VPS35L: variants seen among roughly 807,000 people sequenced by gnomAD.
The protein encoded by VPS35L is VPS35 endosomal protein-sorting factor-like.
In VPS35L, 83 loss-of-function variants were observed where a neutral mutation model predicts 133.0. That is an observed-to-expected ratio of 0.62 (90% CI 0.52 to 0.75). The LOEUF is 0.75. VPS35L is among the 30% of genes least tolerant of loss of function. The probability of loss-of-function intolerance (pLI) is 0.00; values close to 1 mark genes in which losing one functional copy is unlikely to be tolerated. For synonymous variants in VPS35L, 423 were observed against 449.9 expected, an observed-to-expected ratio of 0.94 and a Z score of 0.76; for missense variants, 1,083 against 1,206.8, an observed-to-expected ratio of 0.90 and a Z score of 1.52.
In VPS35L at chr16:19,640,226, T is replaced by TG. The variant is rs1973746736; in HGVS notation, c.1784+128dup. ...ACGTATTTCATACAGAAAACCACAC[T>TG]GGAAGGAAAGCCACATTAAAAGCAG... On this transcript the variant is annotated intron_variant, in intron 21 of 30. Transcript: ENST00000417362. 2.0e-5 allele frequency: 16 copies of TG among 789,900 alleles called. 1 individual carries two copies. In the South Asian group the frequency reaches 3.1e-4, roughly 16 times the overall value. 48.9% of individuals were successfully genotyped at this position (789,900 alleles called of 1,614,324 possible).
Position 19,558,878 on chromosome 16 carries a change from G to A in VPS35L, c.17+3132G>A, listed in dbSNP as rs532557222. 8.0e-5 allele frequency among the ~76,000 whole-genome samples: 12 copies of A among 150,184 alleles called. No homozygotes were observed. In the South Asian group the frequency reaches 1.5e-3, roughly 18 times the overall value. On this transcript the variant is annotated intron_variant, in intron 1 of 30. Coordinates refer to ENST00000417362, the MANE Select transcript of VPS35L (RefSeq NM_020314.7). ...GCAGAGGTTGCAGTGAGCTGAGATCGCGCCACTGCACTCCAGCCTGGATGA... is the reference window on the plus strand; with the variant it reads ...GCAGAGGTTGCAGTGAGCTGAGATCACGCCACTGCACTCCAGCCTGGATGA...
intron 4 of VPS35L, 155 bp downstream of exon 4, chr16:19,573,396 G>A (rs1223645800): frequency 1.6e-5 from 13 of 830,298 alleles, no homozygotes; most frequent in Non-Finnish European, 2.3e-5. Flanking sequence ...CATGTAGTAT[G>A]TCAGTGTTGT....
intron 8 of VPS35L, among the ~76,000 whole-genome samples, chr16:19,596,366 C>T (rs1305401608): frequency 6.6e-6 from 1 of 151,922 alleles, no homozygotes; most frequent in Non-Finnish European, 1.5e-5. Flanking sequence ...CCTTGATCTC[C>T]TTGACCCAAA....
At chr16:19,575,754 A>G (rs1236148987) in intron 5 of VPS35L, among the ~76,000 whole-genome samples, 1 of 150,808 alleles carries the variant, frequency 6.6e-6, no homozygotes, top group Non-Finnish European at 1.5e-5. Context: ...TCCCAGTTAC[A>G]TAGGAGGCTG....
At chr16:19,618,674 C>T (rs1972976837) in intron 14 of VPS35L, among the ~76,000 whole-genome samples, 1 of 152,096 alleles carries the variant, frequency 6.6e-6, no homozygotes, top group Admixed American at 6.5e-5. Context: ...GTAACTTGTT[C>T]CTAACCACTC....
intron 27 of VPS35L, among the ~76,000 whole-genome samples, chr16:19,671,374 C>T (rs1309600935): frequency 6.6e-6 from 1 of 150,974 alleles, no homozygotes; most frequent in East Asian, 1.9e-4. Context: ...GAGGCTGAGG[C>T]AGGAGAATCG....
At chr16:19,663,669 CTTTTTTTTTTTTTT>C (rs59826351) in intron 26 of VPS35L, among the ~76,000 whole-genome samples, 3 of 63,914 alleles carry the variant, frequency 4.7e-5, no homozygotes, top group African/African-American at 7.2e-5. Context: ...GCAGTAATTT[CTTTTTTTTTTTTTT>C]TTTTTTTTTT....
In VPS35L at chr16:19,691,498, C is replaced by T. The variant is rs543975562; in HGVS notation, c.2646+27C>T. The stretch of plus-strand genomic sequence containing the variant: ...TGGGTGCCCTCTGCTGTCCTCCACC[C>T]GCCCCTTGCTCTGAAAGCACAAGTT... On this transcript the variant is annotated intron_variant, in intron 29 of 30. Transcript: ENST00000417362. The T allele has an allele frequency of 6.3e-5, 98 of 1,556,716 alleles. 2 individuals are homozygous for T. In the South Asian group the frequency reaches 6.9e-4, roughly 11 times the overall value.
At chr16:19,575,747 C>T (rs950605283) in intron 5 of VPS35L, among the ~76,000 whole-genome samples, 1 of 151,330 alleles carries the variant, frequency 6.6e-6, no homozygotes, top group Non-Finnish European at 1.5e-5. Flanking sequence ...CCTATAATCC[C>T]AGTTACATAG....
chr16:19,668,383 T>C (rs1372157457), intron 26 of VPS35L, among the ~76,000 whole-genome samples: 1 of 152,164 alleles, frequency 6.6e-6, no homozygotes, highest in African/African-American at 2.4e-5. Context: ...CCTCTCCGTC[T>C]TCCCCTCCAC....
intron 27 of VPS35L, among the ~76,000 whole-genome samples, chr16:19,678,791 A>T (rs1469334706): frequency 6.9e-6 from 1 of 145,260 alleles, no homozygotes; most frequent in Non-Finnish European, 1.5e-5. Flanking sequence ...CAGTACAATT[A>T]AAAAAAAAAA....
Position 19,557,826 on chromosome 16 carries a change from G to A in VPS35L, c.17+2080G>A, listed in dbSNP as rs542224126. Among the ~76,000 whole-genome samples, 16 of 152,164 alleles carry A rather than the reference G, an allele frequency of 1.1e-4. No homozygotes were observed. The East Asian group carries it at 1.6e-3, about 15-fold the overall frequency. ...AGCACTTTGGGAGGCCGAGGCAGGC[G>A]GACCACCTGAGGTCAGGAGTTCCAA... On this transcript the variant is annotated intron_variant, in intron 1 of 30. Transcript: ENST00000417362.
chr16:19,559,129 A>G (rs1458211360), intron 1 of VPS35L, among the ~76,000 whole-genome samples: 2 of 152,228 alleles, frequency 1.3e-5, no homozygotes, highest in Non-Finnish European at 2.9e-5. Flanking sequence ...TGTTTCCAGT[A>G]TAAGGAGATT....
chr16:19,581,764 T>A, intron 7 of VPS35L, 111 bp downstream of exon 7: 1 of 1,284,738 alleles, frequency 7.8e-7, no homozygotes, highest in Middle Eastern at 1.9e-4. Flanking sequence ...TGTTTTCTCA[T>A]CCCTTTCTTT....
At chr16:19,595,467 C>T (rs1972183124) in intron 8 of VPS35L, among the ~76,000 whole-genome samples, 1 of 152,130 alleles carries the variant, frequency 6.6e-6, no homozygotes, top group Non-Finnish European at 1.5e-5. Context: ...TGGGGAGAGG[C>T]TGGTGGCTGT....
chr16:19,674,338 CCCA>C (rs1231973296), intron 27 of VPS35L, among the ~76,000 whole-genome samples: 1 of 149,402 alleles, frequency 6.7e-6, no homozygotes, highest in East Asian at 2.0e-4. Flanking sequence ...ACTACAGGCG[CCCA>C]CCACCACACC....
intron 18 of VPS35L, 21 bp downstream of exon 18, chr16:19,629,841 GT>G: frequency 6.2e-7 from 1 of 1,609,596 alleles, no homozygotes; most frequent in Non-Finnish European, 8.5e-7. Flanking sequence ...CTGTGGTATT[GT>G]TTTTGAAAGA....
chr16:19,642,083 G>T (rs1293978523), intron 21 of VPS35L, among the ~76,000 whole-genome samples: 3 of 152,158 alleles, frequency 2.0e-5, no homozygotes, highest in South Asian at 4.1e-4. Flanking sequence ...GGTGACGCAC[G>T]TATGTAATCC....
At chr16:19,595,128 T>C (rs1030099104) in intron 8 of VPS35L, among the ~76,000 whole-genome samples, 6 of 152,192 alleles carry the variant, frequency 3.9e-5, no homozygotes, top group Non-Finnish European at 7.4e-5. Context: ...TGGGGGCCAC[T>C]GGGAGGACTT....
Sources: gnomAD v4.1 joint callset for allele counts (sites outside exome capture counted in the v4.1 genomes callset) on GRCh38, gnomAD v4.1.1 for gene constraint, MANE v1.5 for transcripts, NCBI Gene and HGNC (gene_info 2026-07-23, HGNC 2026-07-21) for gene names.